Variants in QSOX2 observed in about 807,000 individuals in gnomAD.
The protein encoded by QSOX2 is sulfhydryl oxidase 2.
In QSOX2, 46 loss-of-function variants were observed where a neutral mutation model predicts 61.7. The ratio of observed to expected loss-of-function variants is 0.75; its 90% CI spans 0.59 to 0.95. The LOEUF is 0.95. Among genes scored for constraint, QSOX2 ranks in the 40% least tolerant of loss-of-function variants. The pLI is 0.00. For synonymous variants in QSOX2, 383 were observed against 388.4 expected (o/e 0.99, Z 0.16); for missense variants, 879 against 918.9 (o/e 0.96, Z 0.56).
rs1302305498 is a variant in QSOX2, at chr9:136,215,281, A to T, written c.1233T>A (p.Asn411Lys). 1.2e-6 allele frequency: 2 copies of T among 1,613,616 alleles called. No individual in the cohort carries two copies. The highest frequency in any genetic ancestry group is 1.7e-6 in the Non-Finnish European group (2 of 1,179,936). ...KMRISGIFLT[N>K]HIKWVGCQGS... is the part of the protein sequence containing the mutation. ...CTTGACATCCAACCCACTTTATGTG[A>T]TTAGTAAGGAATATTCCAGAAATCT... The change falls in exon 10 of 12, where the codon AAT becomes AAA. Residue 411 changes from asparagine (N) to lysine (K), a missense_variant. By Grantham distance (94) the Asn-to-Lys change is moderately conservative. Transcript: ENST00000358701.
intron 7 of QSOX2, 60 bp downstream of exon 7, chr9:136,218,970 A>G: frequency 6.3e-7 from 1 of 1,593,008 alleles, no homozygotes; most frequent in African/African-American, 1.3e-5. Flanking sequence ...CCCTGCAAGC[A>G]CGCAGCCTTC....
At chr9:136,210,139 G>C (rs1831827938) in intron 11 of QSOX2, 1 of 985,376 alleles carries the variant, frequency 1.0e-6, no homozygotes, top group Non-Finnish European at 1.2e-6. Context: ...AAGCCAGAGG[G>C]GACAAGCACA....
chr9:136,210,194 A>G (rs1442682004), intron 11 of QSOX2: 1 of 985,364 alleles, frequency 1.0e-6, no homozygotes, highest in African/African-American at 1.7e-5. Flanking sequence ...TTCATGTAGG[A>G]CTGTCAAATA....
At position 136,223,722 on chromosome 9, in the gene QSOX2, C is replaced by G; in HGVS notation, c.675+41G>C. On this transcript the variant is annotated intron_variant, in intron 5 of 11. Transcript: ENST00000358701. The surrounding 1 kb of genome is among the most constrained non-coding windows in gnomAD (Gnocchi z 4.4). ...TCACAGATCCACCGCCAACCCCAAT[C>G]ACACCACGTGTGACACCTGGAGCCC... The G allele has an allele frequency of 6.5e-7, 1 of 1,536,360 alleles. No individual in the cohort carries two copies. The highest frequency in any genetic ancestry group is 9.0e-7 in the Non-Finnish European group (1 of 1,113,972).
Position 136,209,876 on chromosome 9 carries a change from A to T in QSOX2, c.1550-601T>A, listed in dbSNP as rs1339242097. 1.0e-6 allele frequency: 1 copy of T among 985,244 alleles called. No homozygotes were observed. Among genetic ancestry groups the T allele is most frequent in the Non-Finnish European group, 1.2e-6 (1 of 829,898 alleles). The allele number at this position is 985,244 out of a possible 1,614,324, so 61.0% of individuals were successfully genotyped here. On this transcript the variant is annotated intron_variant, in intron 11 of 11. Transcript: ENST00000358701. The surrounding 1 kb of genome is among the most constrained non-coding windows in gnomAD (Gnocchi z 5.6). ...CTCCAAAACTCGTTTCTGAAGTGACATGTGCTCACTTCCAGGCCCAACAGG... is the reference window on the plus strand; with the variant it reads ...CTCCAAAACTCGTTTCTGAAGTGACTTGTGCTCACTTCCAGGCCCAACAGG...
chr9:136,208,627 A>G lies in QSOX2; in HGVS notation c.*101T>C, dbSNP rs77543658. The stretch of plus-strand genomic sequence containing the variant: ...CCATCCGATGTGAAACCAGGCCCGC[A>G]TGTTTATAAAATCCCTGATCATAAA... On this transcript the variant is annotated 3_prime_UTR_variant, in exon 12 of 12. Coordinates refer to ENST00000358701, the MANE Select transcript of QSOX2 (RefSeq NM_181701.4). 49 of 1,386,578 alleles carry G rather than the reference A, an allele frequency of 3.5e-5. No homozygotes were observed. Among genetic ancestry groups the G allele is most frequent in the Middle Eastern group, 2.5e-4 (1 of 3,966 alleles). 85.9% of individuals were successfully genotyped at this position (1,386,578 alleles called of 1,614,324 possible). A position where few individuals can be genotyped will look rare whatever the true frequency, so the allele number is the denominator to read the frequency against.
chr9:136,222,079 TC>T lies in QSOX2; in HGVS notation c.676-139del. Reference sequence around the variant, plus strand: ...GTCCCCCTGCAGGCAAGACCCTCACTCAAATCTTCACTCTCATTGCACTTTA... The same window carrying T: ...GTCCCCCTGCAGGCAAGACCCTCACTAAATCTTCACTCTCATTGCACTTTA... On this transcript the variant is annotated intron_variant, in intron 5 of 11. Transcript: ENST00000358701. This position sits in a 1 kb window ranked among gnomAD's most constrained non-coding sequence, Gnocchi z 6.9. The T allele has an allele frequency of 4.8e-6, 4 of 825,048 alleles. No homozygotes were observed. Among genetic ancestry groups the T allele is most frequent in the Non-Finnish European group, 6.9e-6 (4 of 578,284 alleles). 51.1% of individuals were successfully genotyped at this position (825,048 alleles called of 1,614,324 possible). A position where few individuals can be genotyped will look rare whatever the true frequency, so the allele number is the denominator to read the frequency against.
intron 1 of QSOX2, among the ~76,000 whole-genome samples, chr9:136,242,314 T>C (rs1830439289): frequency 6.6e-6 from 1 of 152,264 alleles, no homozygotes; most frequent in African/African-American, 2.4e-5. Context: ...TGGAGGCTCC[T>C]GGGAAGCAGA....
chr9:136,242,899 TC>T lies in QSOX2; in HGVS notation c.328+2576del, dbSNP rs551951205. On this transcript the variant is annotated intron_variant, in intron 1 of 11. Transcript: ENST00000358701. ...TCAGGACTGTAAACCAAAAATAAAA[TC>T]CTGAGTCCCCTAACTGACTGAATTG... Among the ~76,000 whole-genome samples, 12 of 152,210 alleles carry T rather than the reference TC, an allele frequency of 7.9e-5. No homozygotes were observed. In the South Asian group the frequency reaches 2.5e-3, roughly 32 times the overall value.
At chr9:136,217,367 GA>G (rs1159423525) in intron 8 of QSOX2, among the ~76,000 whole-genome samples, 1 of 152,188 alleles carries the variant, frequency 6.6e-6, no homozygotes, top group Non-Finnish European at 1.5e-5. Context: ...AACCCGAGCT[GA>G]AATCTCACGG....
Position 136,221,416 on chromosome 9 carries a change from A to C in QSOX2, c.821+380T>G, listed in dbSNP as rs1481149195. On this transcript the variant is annotated intron_variant, in intron 6 of 11. Transcript: ENST00000358701. The surrounding 1 kb of genome is among the most constrained non-coding windows in gnomAD (Gnocchi z 4.5). ...GCACGTGGGCTTGTCTGCCAGCCCCAGACACAGACCCAAACTGCATCCCAA... is the reference window on the plus strand; with the variant it reads ...GCACGTGGGCTTGTCTGCCAGCCCCCGACACAGACCCAAACTGCATCCCAA... Among the ~76,000 whole-genome samples, 11 of 152,222 alleles carry C rather than the reference A, an allele frequency of 7.2e-5. No homozygotes were observed. Among genetic ancestry groups the C allele is most frequent in the Admixed American group, 7.2e-4 (11 of 15,288 alleles).
intron 1 of QSOX2, among the ~76,000 whole-genome samples, chr9:136,236,990 G>A (rs1266986596): frequency 1.4e-5 from 2 of 146,200 alleles, no homozygotes; most frequent in African/African-American, 5.2e-5. Flanking sequence ...TCCTGGGCCG[G>A]CGTCACCTGG....
chr9:136,241,003 C>A (rs1830429143), intron 1 of QSOX2, among the ~76,000 whole-genome samples: 1 of 152,064 alleles, frequency 6.6e-6, no homozygotes, highest in South Asian at 2.1e-4. Context: ...GCTCCCTGGA[C>A]GTGGCTGTAA....
At chr9:136,211,209 G>A (rs1831839786) in intron 11 of QSOX2, 55 bp downstream of exon 11, 1 of 1,577,340 alleles carries the variant, frequency 6.3e-7, no homozygotes, top group Admixed American at 1.7e-5. Context: ...TGCTGTCCCA[G>A]GACCAGGGCC....
At chr9:136,218,915 C>T (rs1177840875) in intron 7 of QSOX2, 107 bp from the exon 8 acceptor site, 13 of 1,566,068 alleles carry the variant, frequency 8.3e-6, no homozygotes, top group Admixed American at 3.6e-5. Flanking sequence ...TGGGAGGGCT[C>T]CTGAGCGGCC....
At position 136,219,073 on chromosome 9, in the gene QSOX2, T is replaced by C. The variant is rs1564291454; in HGVS notation, c.913A>G (p.Lys305Glu). Residue 305 changes from lysine to glutamate, a missense_variant, in exon 7 of 12, where the codon AAA (lysine) becomes GAA (glutamate). Coordinates refer to ENST00000358701, the MANE Select transcript of QSOX2 (RefSeq NM_181701.4). Reference protein sequence around the residue: ...KSLPLPEKPHKEENSEIVVWR... With the variant: ...KSLPLPEKPHEEENSEIVVWR... ...ACCACGATTTCTGAATTTTCTTCTT[T>C]GTGTGGCTTTTCAGGCAAGGGAAGC... The C allele has an allele frequency of 6.2e-7, 1 of 1,614,116 alleles. No homozygotes were observed. Among genetic ancestry groups the C allele is most frequent in the South Asian group, 1.1e-5 (1 of 91,082 alleles).
intron 1 of QSOX2, among the ~76,000 whole-genome samples, chr9:136,244,747 A>G (rs922842127): frequency 1.3e-5 from 2 of 152,346 alleles, no homozygotes; most frequent in East Asian, 1.9e-4. Context: ...GCACTAAACA[A>G]TAAAGTGCGG....
At position 136,209,739 on chromosome 9, in the gene QSOX2, T is replaced by C. The variant is rs1831823166; in HGVS notation, c.1550-464A>G. On this transcript the variant is annotated intron_variant, in intron 11 of 11. Transcript: ENST00000358701. The surrounding 1 kb of genome is among the most constrained non-coding windows in gnomAD (Gnocchi z 5.6). ...TACAGAGCCCCGGCCACCTGGGTGC[T>C]ATGGACAGTGGGCCTTAGGTGCACC... 1.0e-6 allele frequency: 1 copy of C among 984,920 alleles called. No homozygotes were observed. Among genetic ancestry groups the C allele is most frequent in the Non-Finnish European group, 1.2e-6 (1 of 829,730 alleles). 61.0% of individuals were successfully genotyped at this position (984,920 alleles called of 1,614,324 possible).
At chr9:136,236,528 C>G (rs914835988) in intron 1 of QSOX2, among the ~76,000 whole-genome samples, 3 of 152,248 alleles carry the variant, frequency 2.0e-5, no homozygotes, top group Non-Finnish European at 2.9e-5. Flanking sequence ...CAGCATCACC[C>G]AAACCACAGG....
Sources: allele counts gnomAD v4.1 joint callset (sites outside exome capture counted in the v4.1 genomes callset), GRCh38; gene constraint gnomAD v4.1.1; non-coding constraint Gnocchi (gnomAD v3.1); transcripts MANE v1.5; gene names NCBI Gene and HGNC (gene_info 2026-07-23, HGNC 2026-07-21).